C10orf120: variants seen among roughly 807,000 people sequenced by gnomAD.
C10orf120 encodes uncharacterized protein C10orf120.
In C10orf120, 15 loss-of-function variants were observed where a neutral mutation model predicts 10.8. The ratio of observed to expected loss-of-function variants is 1.39; its 90% CI spans 0.93 to 2.14. The LOEUF is 2.14. Ranked by LOEUF, C10orf120 falls within the 30% of genes most tolerant of loss-of-function variation. C10orf120 has a pLI of 0.00. For missense variants in C10orf120, 447 were observed against 411.3 expected (o/e 1.09, Z -0.75); for synonymous variants, 141 against 138.9 (o/e 1.02, Z -0.11).
rs1161972467 is a variant in C10orf120, at chr10:122,698,385, T to A, written c.356A>T (p.Tyr119Phe). 1 of 1,614,194 alleles carries A rather than the reference T, an allele frequency of 6.2e-7. No homozygotes were observed. Among genetic ancestry groups the A allele is most frequent in the Admixed American group, 1.7e-5 (1 of 60,032 alleles). ...LKELQLLSPD[Y>F]KQAMEYKKKH... ...CTTTTTATACTCCATTGCTTGTTTG[T>A]AGTCCGGAGACAGCAACTGTAGTTC... The change falls in exon 3 of 3, where the codon TAC (tyrosine) becomes TTC (phenylalanine). Residue 119 changes from tyrosine to phenylalanine, a missense_variant. By Grantham distance (22) the Tyr-to-Phe change is conservative (BLOSUM62 3). Transcript: ENST00000329446.
chr10:122,698,603 G>T, intron 2 of C10orf120, 115 bp from the exon 3 acceptor site: 1 of 947,012 alleles, frequency 1.1e-6, no homozygotes, highest in Non-Finnish European at 1.6e-6. Flanking sequence ...GAGCCTCTCT[G>T]TAGTGGAAAA....
At chr10:122,699,592 A>C (rs1845831904) in intron 1 of C10orf120, 23 bp downstream of exon 1, 2 of 1,587,832 alleles carry the variant, frequency 1.3e-6, no homozygotes, top group Non-Finnish European at 1.7e-6. Flanking sequence ...ACATGGACAG[A>C]CTAAAGTGCA....
At chr10:122,699,077 T>G (rs1297726954) in intron 2 of C10orf120, among the ~76,000 whole-genome samples, 1 of 127,534 alleles carries the variant, frequency 7.8e-6, no homozygotes, top group African/African-American at 3.0e-5. Context: ...GAGCTTGCAG[T>G]GAGCCGAGAT....
rs1845805675 is a variant in C10orf120, at chr10:122,697,778, A to G, written c.963T>C (p.Ser321=). The G allele has an allele frequency of 1.2e-6, 2 of 1,613,866 alleles. No homozygotes were observed. The highest frequency in any genetic ancestry group is 1.7e-6 in the Non-Finnish European group (2 of 1,179,970). Residue 321 remains serine (S), a synonymous_variant, in exon 3 of 3, where the codon AGT becomes AGC. Coordinates refer to ENST00000329446, the MANE Select transcript of C10orf120 (RefSeq NM_001010912.4). ...CTTTACGCATGCGCTCTTTCCAGAT[A>G]CTCTCTTCTTCCAGGCTGTAGGTCT... ...LVKTYSLEEE[S]IWKERMRKAT...
Position 122,698,447 on chromosome 10 carries a change from C to T in C10orf120, c.294G>A (p.Leu98=). 1 of 1,614,172 alleles carries T rather than the reference C, an allele frequency of 6.2e-7. No homozygotes were observed. ...GIHTIAARRL[L]AYKQEEECRM... ...TGCATTCTTCCTCTTGCTTGTAAGC[C>T]AAAAGCCTTCTTGCTGCTATGGTGT... is the stretch of plus-strand genomic sequence containing the variant. The change falls in exon 3 of 3, where the codon TTG becomes TTA. Residue 98 remains leucine (L), a synonymous_variant. Transcript: ENST00000329446.
Position 122,698,258 on chromosome 10 carries a change from C to T in C10orf120, c.483G>A (p.Gln161=). The change falls in exon 3 of 3, where the codon CAG becomes CAA. Residue 161 remains glutamine, a synonymous_variant. Coordinates refer to ENST00000329446, the MANE Select transcript of C10orf120 (RefSeq NM_001010912.4). ...LEAFKMPQRE[Q]VNVSKHIERM... ...TCTCTATGTGCTTACTGACGTTCAC[C>T]TGCTCTCGTTGTGGCATTTTAAATG... 2 of 1,614,208 alleles carry T rather than the reference C, an allele frequency of 1.2e-6. No individual in the cohort carries two copies. The highest frequency in any genetic ancestry group is 8.5e-7 in the Non-Finnish European group (1 of 1,180,036).
In C10orf120 at chr10:122,698,403, TG is replaced by T; in HGVS notation, c.337del (p.Gln113SerfsTer27). ...EEECRMLKEL[Q>X]LLSPDYKQAM... ...TTGTTTGTAGTCCGGAGACAGCAACTGTAGTTCCTTGAGCATTCTGCATTCT... is the reference window on the plus strand; with the variant it reads ...TTGTTTGTAGTCCGGAGACAGCAACTTAGTTCCTTGAGCATTCTGCATTCT... On this transcript the variant is annotated frameshift_variant, in exon 3 of 3. Transcript: ENST00000329446. LOFTEE classifies it low-confidence loss of function (END_TRUNC). 1 of 1,614,176 alleles carries T rather than the reference TG, an allele frequency of 6.2e-7. No homozygotes were observed. The highest frequency in any genetic ancestry group is 8.5e-7 in the Non-Finnish European group (1 of 1,179,990).
rs545427301 is a variant in C10orf120, at chr10:122,698,298, A to G, written c.443T>C (p.Ile148Thr). The G allele has an allele frequency of 5.0e-6, 8 of 1,614,204 alleles. No homozygotes were observed. In the Admixed American group the frequency reaches 5.0e-5, roughly 10 times the overall value. The change falls in exon 3 of 3, where the codon ATT becomes ACT. Residue 148 changes from isoleucine to threonine, a missense_variant. Coordinates refer to ENST00000329446, the MANE Select transcript of C10orf120 (RefSeq NM_001010912.4). ...PLEKIWTAKV[I>T]APLEAFKMPQ... ...CATTTTAAATGCCTCCAGGGGCGCAATCACCTTTGCTGTCCATATTTTTTC... is the reference window on the plus strand; with the variant it reads ...CATTTTAAATGCCTCCAGGGGCGCAGTCACCTTTGCTGTCCATATTTTTTC...
Position 122,699,694 on chromosome 10 carries a change from T to A in C10orf120, c.97A>T (p.Ile33Leu). 6.2e-7 allele frequency: 1 copy of A among 1,614,098 alleles called. No homozygotes were observed. The highest frequency in any genetic ancestry group is 8.5e-7 in the Non-Finnish European group (1 of 1,179,932). Residue 33 changes from isoleucine to leucine, a missense_variant, in exon 1 of 3, where the codon ATA becomes TTA. Coordinates refer to ENST00000329446, the MANE Select transcript of C10orf120 (RefSeq NM_001010912.4). ...QERKNEKPVR[I>L]FNTNSSFQDQ... ...TGAAAGGAAGAGTTGGTATTAAATA[T>A]TCTAACTGGCTTTTCATTCTTCCTT...
In C10orf120 at chr10:122,697,746, G is replaced by A; in HGVS notation, c.995C>T (p.Pro332Leu). 6.2e-6 allele frequency: 10 copies of A among 1,613,996 alleles called. No homozygotes were observed. The highest frequency in any genetic ancestry group is 8.5e-6 in the Non-Finnish European group (10 of 1,179,964). ...ACAAATAAAACTTTAATAATGATAA[G>A]GAGTTGCTTTACGCATGCGCTCTTT... ...IWKERMRKAT[P>L]YHY The change falls in exon 3 of 3, where the codon CCT (proline) becomes CTT (leucine). Residue 332 changes from proline (P) to leucine (L), a missense_variant. Coordinates refer to ENST00000329446, the MANE Select transcript of C10orf120 (RefSeq NM_001010912.4).
In C10orf120 at chr10:122,698,128, T is replaced by A. The variant is rs764456744; in HGVS notation, c.613A>T (p.Lys205Ter). 1 of 1,614,030 alleles carries A rather than the reference T, an allele frequency of 6.2e-7. No homozygotes were observed. Among genetic ancestry groups the A allele is most frequent in the Non-Finnish European group, 8.5e-7 (1 of 1,180,004 alleles). ...LSGVGLGPMAKNKARRKEDNY... is the reference protein window; with the variant it reads ...LSGVGLGPMA ...TCTTCCTTTCGTCTGGCCTTATTTT[T>A]TGCCATTGGACCCAGGCCCACCCCA... Residue 205 changes from lysine to a stop codon, truncating the protein, a stop_gained, in exon 3 of 3, where the codon AAA becomes TAA. Coordinates refer to ENST00000329446, the MANE Select transcript of C10orf120 (RefSeq NM_001010912.4). LOFTEE classifies it low-confidence loss of function (END_TRUNC).
rs780178363 is a variant in C10orf120, at chr10:122,699,601, C to T, written c.176+14G>A. ...TTTCTGACATGGACAGACTAAAGTGCAAGTCAGACTCACCGCAACGGTGAA... is the reference window on the plus strand; with the variant it reads ...TTTCTGACATGGACAGACTAAAGTGTAAGTCAGACTCACCGCAACGGTGAA... On this transcript the variant is annotated intron_variant, in intron 1 of 2. Coordinates refer to ENST00000329446, the MANE Select transcript of C10orf120 (RefSeq NM_001010912.4). The T allele has an allele frequency of 1.3e-6, 2 of 1,593,840 alleles. No individual in the cohort carries two copies. The highest frequency in any genetic ancestry group is 8.6e-7 in the Non-Finnish European group (1 of 1,169,208).
In C10orf120 at chr10:122,699,412, C is replaced by G. The variant is rs749375882; in HGVS notation, c.177G>C (p.Arg59=). The change falls in exon 2 of 3, where the codon CGG becomes CGC. Residue 59 remains arginine (R), a splice_region_variant and synonymous_variant. Transcript: ENST00000329446. ...QEDLSSASPL[R]IWSKFYRSDP... ...CTGATCTGTAGAATTTGCTCCATAT[C>G]CTGCAAGAAGAGAAGCAGGAATATC... The G allele has an allele frequency of 6.2e-7, 1 of 1,610,270 alleles. No homozygotes were observed. The highest frequency in any genetic ancestry group is 2.2e-5 in the East Asian group (1 of 44,840).
chr10:122,699,551 T>A, intron 1 of C10orf120, 64 bp downstream of exon 1: 15 of 1,504,558 alleles, frequency 1.0e-5, no homozygotes, highest in Non-Finnish European at 1.3e-5. Context: ...CTGTAGCCAC[T>A]GGGTAGGCTT....
Position 122,697,837 on chromosome 10 carries a change from T to G in C10orf120, c.904A>C (p.Ile302Leu). Reference sequence around the variant, plus strand: ...TCACTGAAGTGGTCTCTCCGTGATATAAAATCCTGATTCATTAGCATTAAG... The same window carrying G: ...TCACTGAAGTGGTCTCTCCGTGATAGAAAATCCTGATTCATTAGCATTAAG... Reference protein sequence around the residue: ...GDLMLMNQDFISRRDHFSDLV... With the variant: ...GDLMLMNQDFLSRRDHFSDLV... The change falls in exon 3 of 3, where the codon ATA (isoleucine) becomes CTA (leucine). Residue 302 changes from isoleucine to leucine, a missense_variant. Transcript: ENST00000329446. The G allele has an allele frequency of 6.2e-7, 1 of 1,614,182 alleles. No homozygotes were observed. Among genetic ancestry groups the G allele is most frequent in the Non-Finnish European group, 8.5e-7 (1 of 1,180,022 alleles).
intron 1 of C10orf120, 55 bp downstream of exon 1, chr10:122,699,560 T>C: frequency 2.6e-6 from 4 of 1,533,866 alleles, no homozygotes; most frequent in Non-Finnish European, 2.7e-6. Flanking sequence ...CTGGGTAGGC[T>C]TCTCCACTTG....
chr10:122,699,318 A>G lies in C10orf120; in HGVS notation c.252+19T>C, dbSNP rs1845828915. 6.3e-7 allele frequency: 1 copy of G among 1,599,612 alleles called. No individual in the cohort carries two copies. The highest frequency in any genetic ancestry group is 1.1e-5 in the South Asian group (1 of 90,536). The stretch of plus-strand genomic sequence containing the variant: ...GGCTTCAGTGGGGCCTCTCCGTGTG[A>G]AAACTGCGGGACACTTACTAGGATC... On this transcript the variant is annotated intron_variant, in intron 2 of 2. Transcript: ENST00000329446.
intron 2 of C10orf120, among the ~76,000 whole-genome samples, chr10:122,698,953 C>T (rs1377905148): frequency 3.4e-5 from 5 of 147,958 alleles, no homozygotes; most frequent in South Asian, 2.2e-4. Context: ...GGTGAAACCC[C>T]GTCTCTACTA....
rs1220496228 is a variant in C10orf120 at position 122,699,651 on chromosome 10, C to A, written c.140G>T (p.Cys47Phe). The A allele has an allele frequency of 6.2e-7, 1 of 1,613,066 alleles. No homozygotes were observed. The highest frequency in any genetic ancestry group is 8.5e-7 in the Non-Finnish European group (1 of 1,179,512). Residue 47 changes from cysteine to phenylalanine, a missense_variant, in exon 1 of 3, where the codon TGT becomes TTT. By Grantham distance (205) the Cys-to-Phe change is radical. Coordinates refer to ENST00000329446, the MANE Select transcript of C10orf120 (RefSeq NM_001010912.4). ...NSSFQDQAPT[C>F]CQEDLSSASP... ...AGCAGAACTCAGATCCTCTTGGCAACACGTTGGGGCTTGATCCTGAAAGGA... is the reference window on the plus strand; with the variant it reads ...AGCAGAACTCAGATCCTCTTGGCAAAACGTTGGGGCTTGATCCTGAAAGGA...
Sources: gnomAD v4.1 joint callset for allele counts (sites outside exome capture counted in the v4.1 genomes callset) on GRCh38, gnomAD v4.1.1 for gene constraint, MANE v1.5 for transcripts, NCBI Gene and HGNC (gene_info 2026-07-23, HGNC 2026-07-21) for gene names.